Variants in GLIS2 observed in about 807,000 individuals in gnomAD.
GLIS2 encodes GLIS family zinc finger 2.
Under a neutral mutation model 35.6 loss-of-function variants are expected in GLIS2, and 14 were observed. The ratio of observed to expected loss-of-function variants is 0.39; its 90% confidence interval spans 0.26 to 0.61. The LOEUF (loss-of-function observed/expected upper bound fraction) is 0.61, where lower values mean the gene tolerates loss of function less well. Ranked by LOEUF, GLIS2 falls within the 20% of genes least tolerant of loss-of-function variation. The pLI, the probability that GLIS2 is intolerant of heterozygous loss-of-function variation, is 0.48. For missense variants in GLIS2, 675 were observed against 713.4 expected, an observed-to-expected ratio of 0.95 and a Z score of 0.61; for synonymous variants, 368 against 325.1, an observed-to-expected ratio of 1.13 and a Z score of -1.42.
rs116789288 is a variant in GLIS2 at position 4,332,064 on chromosome 16, T to C, written c.-66-151T>C. Among the ~76,000 whole-genome samples, 2,552 of 152,272 alleles carry C rather than the reference T, an allele frequency of 0.017. 68 individuals are homozygous for C. The highest frequency in any genetic ancestry group is 0.059 in the African/African-American group (2,444 of 41,536). ...GAGGCTGTTGGCTCTCCCCCCATGA[T>C]AGCTGCCGGCCAGGTCGCTCGGAGG... On this transcript the variant is annotated intron_variant, in intron 1 of 6. Coordinates refer to ENST00000433375, the MANE Select transcript of GLIS2 (RefSeq NM_032575.3). The surrounding 1 kb of genome is among the most constrained non-coding windows in gnomAD (Gnocchi z 5.4).
Position 4,336,995 on chromosome 16 carries a change from G to C in GLIS2, c.1046G>C (p.Ser349Thr). 6.2e-7 allele frequency: 1 copy of C among 1,607,448 alleles called. No homozygotes were observed. Among genetic ancestry groups the C allele is most frequent in the Non-Finnish European group, 8.5e-7 (1 of 1,178,630 alleles). ...GCCCCCGACGGCGGCCCCTATGTCA[G>C]TGGGGCCCAGATCATCATCCCCAAC... ...LPAPDGGPYV[S>T]GAQIIIPNPA... is the part of the protein sequence containing the mutation. The change falls in exon 7 of 7, where the codon AGT becomes ACT. Residue 349 changes from serine (S) to threonine (T), a missense_variant. Physicochemically the swap from Ser to Thr is moderately conservative, Grantham distance 58. Transcript: ENST00000433375.
rs1051063799 is a variant in GLIS2, at chr16:4,332,597, C to T, written c.172+145C>T. ...AAGCCCGCACGCTTGTCCTTCCATC[C>T]GCCCAGCATCGTATGTCTGCAGGGA... On this transcript the variant is annotated intron_variant, in intron 2 of 6. Transcript: ENST00000433375. This position sits in a 1 kb window ranked among gnomAD's most constrained non-coding sequence, Gnocchi z 5.4. The T allele has an allele frequency of 2.3e-5, 22 of 948,076 alleles. No homozygotes were observed. Among genetic ancestry groups the T allele is most frequent in the East Asian group, 1.3e-4 (5 of 37,986 alleles). 58.7% of individuals were successfully genotyped at this position (948,076 alleles called of 1,614,324 possible). A position where few individuals can be genotyped will look rare whatever the true frequency, so the allele number is the denominator to read the frequency against.
chr16:4,321,043 C>T (rs564103681), intron 1 of GLIS2, among the ~76,000 whole-genome samples: 1 of 152,214 alleles, frequency 6.6e-6, no homozygotes, highest in Non-Finnish European at 1.5e-5. Context: ...TGCTTTCTTC[C>T]AGAGTAGGCG....
At chr16:4,329,396 CAG>C (rs139355400) in intron 1 of GLIS2, among the ~76,000 whole-genome samples, 5,050 of 152,346 alleles carry the variant, frequency 0.033, 111 homozygotes, top group Admixed American at 0.087. Context: ...ACAGCTCCAA[CAG>C]GGGCGAATCG....
At chr16:4,334,735 C>T (rs954507817) in intron 3 of GLIS2, 66 bp from the exon 4 acceptor site, 21 of 1,586,806 alleles carry the variant, frequency 1.3e-5, no homozygotes, top group East Asian at 2.2e-5. Context: ...CCATTCAGTC[C>T]ACTACCGATG....
In GLIS2 at chr16:4,338,224, AG is replaced by A. The variant is rs1215476621; in HGVS notation, c.*703del. On this transcript the variant is annotated 3_prime_UTR_variant, in exon 7 of 7. Transcript: ENST00000433375. Reference sequence around the variant, plus strand: ...GCTGGCCACTCCACCCCTGCACCCCAGGGTCTCCTCCCTCTACCTTTTGGGG... The same window carrying A: ...GCTGGCCACTCCACCCCTGCACCCCAGGTCTCCTCCCTCTACCTTTTGGGG... The A allele has an allele frequency of 3.3e-5, 5 of 153,238 alleles. No homozygotes were observed. The highest frequency in any genetic ancestry group is 7.3e-5 in the Non-Finnish European group (5 of 68,650). 9.5% of individuals were successfully genotyped at this position (153,238 alleles called of 1,614,324 possible).
At chr16:4,330,964 C>T (rs781501651) in intron 1 of GLIS2, among the ~76,000 whole-genome samples, 2 of 151,342 alleles carry the variant, frequency 1.3e-5, no homozygotes, top group East Asian at 1.9e-4. Context: ...TGCTTAAAAG[C>T]GTTTGGCTTT....
At position 4,316,142 on chromosome 16, in the gene GLIS2, G is replaced by A. The variant is rs1293374795; in HGVS notation, c.-179G>A. On this transcript the variant is annotated 5_prime_UTR_variant, in exon 1 of 7. In the 5' UTR this introduces an upstream ATG that the reference lacks. Coordinates refer to ENST00000433375, the MANE Select transcript of GLIS2 (RefSeq NM_032575.3). ...GCCGTGCCAGGGGAGCCCGCGCCCC[G>A]TGAGGCCTCGCGCCCCGGCCCCCGC... Among the ~76,000 whole-genome samples, 1 of 138 alleles carries A rather than the reference G, an allele frequency of 7.2e-3. No individual in the cohort carries two copies. The highest frequency in any genetic ancestry group is 0.017 in the Non-Finnish European group (1 of 60). The allele number at this position is 138 out of a possible 152,430, so 0.1% of individuals were successfully genotyped here.
chr16:4,324,996 C>A (rs1011681531), intron 1 of GLIS2, among the ~76,000 whole-genome samples: 1 of 152,202 alleles, frequency 6.6e-6, no homozygotes, highest in Admixed American at 6.5e-5. Context: ...TGCTGCTGGG[C>A]GGCCAAGGAG....
At chr16:4,319,701 G>T (rs926498333) in intron 1 of GLIS2, among the ~76,000 whole-genome samples, 4 of 152,208 alleles carry the variant, frequency 2.6e-5, no homozygotes, top group Admixed American at 2.0e-4. Context: ...TCTGCTGGGG[G>T]GCCAGCGTGG....
intron 1 of GLIS2, among the ~76,000 whole-genome samples, chr16:4,328,616 C>G (rs1436336166): frequency 6.6e-6 from 1 of 152,202 alleles, no homozygotes; most frequent in South Asian, 2.1e-4. Context: ...GGGCTCTGGC[C>G]TGCATTGGAA....
At chr16:4,326,932 C>T (rs879739626) in intron 1 of GLIS2, among the ~76,000 whole-genome samples, 20 of 151,786 alleles carry the variant, frequency 1.3e-4, no homozygotes, top group African/African-American at 4.1e-4. Context: ...GGCTAATTTT[C>T]GTATTTTTAG....
chr16:4,326,918 G>A (rs113421930), intron 1 of GLIS2, among the ~76,000 whole-genome samples: 5,086 of 152,112 alleles, frequency 0.033, 112 homozygotes, highest in Admixed American at 0.087. Context: ...CTGCCACCAC[G>A]CCCGGCTAAT....
At chr16:4,334,742 G>T in intron 3 of GLIS2, 59 bp from the exon 4 acceptor site, 1 of 1,601,918 alleles carries the variant, frequency 6.2e-7, no homozygotes. Context: ...GTCCACTACC[G>T]ATGGGACGGG....
In GLIS2 at chr16:4,332,248, C is replaced by T. The variant is rs1360235655; in HGVS notation, c.-33C>T. 1 of 1,606,952 alleles carries T rather than the reference C, an allele frequency of 6.2e-7. No individual in the cohort carries two copies. Among genetic ancestry groups the T allele is most frequent in the Non-Finnish European group, 8.5e-7 (1 of 1,177,814 alleles). Reference sequence around the variant, plus strand: ...GTGAAGACCAGCTGGGAGCCCACTGCCTGCTGCCACCTCCAACTCCGGCCC... The same window carrying T: ...GTGAAGACCAGCTGGGAGCCCACTGTCTGCTGCCACCTCCAACTCCGGCCC... On this transcript the variant is annotated 5_prime_UTR_variant, in exon 2 of 7. Transcript: ENST00000433375. This position sits in a 1 kb window ranked among gnomAD's most constrained non-coding sequence, Gnocchi z 5.4.
intron 1 of GLIS2, among the ~76,000 whole-genome samples, chr16:4,328,915 G>A (rs34007310): frequency 0.1 from 15,410 of 151,248 alleles, 1,023 homozygotes; most frequent in African/African-American, 0.19. Flanking sequence ...GAGTGTCCCC[G>A]TCAGCTGGAA....
At chr16:4,325,644 C>T (rs768813840) in intron 1 of GLIS2, among the ~76,000 whole-genome samples, 2 of 152,066 alleles carry the variant, frequency 1.3e-5, no homozygotes, top group Non-Finnish European at 2.9e-5. Flanking sequence ...TAGAAGATGA[C>T]GGGCTGGGCG....
At chr16:4,334,659 A>G in intron 3 of GLIS2, 142 bp from the exon 4 acceptor site, 1 of 951,366 alleles carries the variant, frequency 1.1e-6, no homozygotes, top group South Asian at 1.4e-5. Flanking sequence ...TCCTAGTTCC[A>G]AATAAGGCCA....
At chr16:4,329,470 G>A (rs906432905) in intron 1 of GLIS2, among the ~76,000 whole-genome samples, 7 of 152,232 alleles carry the variant, frequency 4.6e-5, no homozygotes, top group Non-Finnish European at 8.8e-5. Context: ...CCTTGGGAGA[G>A]GTGGGCAGCC....
Sources: gnomAD v4.1 joint callset for allele counts (sites outside exome capture counted in the v4.1 genomes callset) on GRCh38, gnomAD v4.1.1 for gene constraint, Gnocchi (gnomAD v3.1) non-coding constraint, MANE v1.5 for transcripts, NCBI Gene and HGNC (gene_info 2026-07-23, HGNC 2026-07-21) for gene names.